WHRN: variants seen among roughly 807,000 people sequenced by gnomAD.
WHRN encodes the protein CASK-interacting protein CIP98.
Under a neutral mutation model 68.3 loss-of-function variants are expected in WHRN, and 41 were observed. The ratio of observed to expected loss-of-function variants is 0.60; its 90% confidence interval spans 0.47 to 0.78. The LOEUF (loss-of-function observed/expected upper bound fraction) is 0.78, where lower values mean the gene tolerates loss of function less well. Ranked by LOEUF, WHRN falls within the 30% of genes least tolerant of loss-of-function variation. The probability of loss-of-function intolerance (pLI) is 0.00; values close to 1 mark genes in which losing one functional copy is unlikely to be tolerated. For missense variants in WHRN, 1,243 were observed against 1,244.7 expected, an observed-to-expected ratio of 1.00 and a Z score of 0.02; for synonymous variants, 560 against 561.3, an observed-to-expected ratio of 1.00 and a Z score of 0.03.
At chr9:114,442,301 T>C (rs562884549) in intron 3 of WHRN, among the ~76,000 whole-genome samples, 5 of 152,288 alleles carry the variant, frequency 3.3e-5, no homozygotes, top group African/African-American at 1.2e-4. Context: ...GATAATAGCA[T>C]TGTACTGATG....
chr9:114,466,239 G>A (rs1331404910), intron 3 of WHRN, 28 bp downstream of exon 3: 2 of 1,613,292 alleles, frequency 1.2e-6, no homozygotes, highest in Admixed American at 1.7e-5. Context: ...CATGCACAGA[G>A]TTTTCCCTCC....
chr9:114,498,676 A>G lies in WHRN; in HGVS notation c.618+5508T>C, dbSNP rs1358026045. Among the ~76,000 whole-genome samples the G allele has an allele frequency of 2.6e-5, 4 of 152,114 alleles. No individual in the cohort carries two copies. The East Asian group carries it at 7.7e-4, about 29-fold the overall frequency. The stretch of plus-strand genomic sequence containing the variant: ...AAAAGGCCCTCAAATGTCAAGTACA[A>G]AATGTGACATCTGCCACACTTTCTA... On this transcript the variant is annotated intron_variant, in intron 1 of 11. Coordinates refer to ENST00000362057, the MANE Select transcript of WHRN (RefSeq NM_015404.4).
At chr9:114,491,719 G>T in intron 1 of WHRN, 1 of 263,254 alleles carries the variant, frequency 3.8e-6, no homozygotes. Flanking sequence ...AAAGGCAAAC[G>T]AGAAGCAGCA....
chr9:114,416,086 G>T (rs911795848), intron 7 of WHRN, among the ~76,000 whole-genome samples: 1 of 152,070 alleles, frequency 6.6e-6, no homozygotes, highest in Non-Finnish European at 1.5e-5. Context: ...CCTTCTTTTT[G>T]GGGGACAAGA....
At position 114,483,637 on chromosome 9, in the gene WHRN, G is replaced by C. The variant is rs183519885; in HGVS notation, c.619-4866C>G. 2.4e-3 allele frequency among the ~76,000 whole-genome samples: 365 copies of C among 152,298 alleles called. 2 individuals carry two copies. Among genetic ancestry groups the C allele is most frequent in the African/African-American group, 8.2e-3 (339 of 41,560 alleles). ...CTCACCAGAGCAGCCTACAGAGTGAGTAGCCTCAGGCAGCAGAGCTTGAGC... is the reference window on the plus strand; with the variant it reads ...CTCACCAGAGCAGCCTACAGAGTGACTAGCCTCAGGCAGCAGAGCTTGAGC... On this transcript the variant is annotated intron_variant, in intron 1 of 11. Coordinates refer to ENST00000362057, the MANE Select transcript of WHRN (RefSeq NM_015404.4).
intron 2 of WHRN, among the ~76,000 whole-genome samples, chr9:114,473,275 A>G (rs111480108): frequency 5.5e-4 from 84 of 152,368 alleles, no homozygotes; most frequent in African/African-American, 1.8e-3. Flanking sequence ...TGCCCGCATC[A>G]TTCCTCCGAG....
intron 2 of WHRN, among the ~76,000 whole-genome samples, chr9:114,473,086 T>C (rs1238294176): frequency 3.9e-5 from 6 of 152,334 alleles, no homozygotes; most frequent in South Asian, 2.1e-4. Context: ...TGGAGACACA[T>C]GAGCTTGGCG....
chr9:114,473,765 C>T (rs978329770), intron 2 of WHRN, among the ~76,000 whole-genome samples: 9 of 152,128 alleles, frequency 5.9e-5, no homozygotes, highest in African/African-American at 1.9e-4. Flanking sequence ...AGACGCAGGC[C>T]GCCTTCTGAA....
chr9:114,431,601 C>T (rs1837433209), intron 3 of WHRN, among the ~76,000 whole-genome samples: 1 of 152,120 alleles, frequency 6.6e-6, no homozygotes, highest in Non-Finnish European at 1.5e-5. Context: ...TCCCCTTTCC[C>T]GTCAGTTGGT....
At chr9:114,499,355 A>G (rs1467824919) in intron 1 of WHRN, among the ~76,000 whole-genome samples, 2 of 152,240 alleles carry the variant, frequency 1.3e-5, no homozygotes, top group Non-Finnish European at 2.9e-5. Context: ...TTCAGAGTTA[A>G]TATCAGATTC....
intron 5 of WHRN, 89 bp from the exon 6 acceptor site, chr9:114,424,635 T>C (rs1022579167): frequency 3.2e-5 from 45 of 1,390,318 alleles, no homozygotes; most frequent in Non-Finnish European, 4.2e-5. Flanking sequence ...TTCCATCCTG[T>C]CTAAGTGTGG....
Position 114,426,242 on chromosome 9 carries a change from G to A in WHRN, c.1135C>T (p.Arg379Trp), listed in dbSNP as rs56059137. ...GAGTTCGCCATGGTCTCCCTGATCC[G>A]GGAACTGGCGATCCACTTGGTCTCG... ...VDETKWIASS[R>W]IRETMANSAG... is the part of the protein sequence containing the mutation. Residue 379 changes from arginine (R) to tryptophan (W), a missense_variant, in exon 4 of 12, where the codon CGG becomes TGG. Physicochemically the swap from Arg to Trp is moderately radical, Grantham distance 101 (BLOSUM62 -3). Coordinates refer to ENST00000362057, the MANE Select transcript of WHRN (RefSeq NM_015404.4). The A allele has an allele frequency of 6.2e-4, 997 of 1,612,550 alleles. 3 individuals are homozygous for A. Among genetic ancestry groups the A allele is most frequent in the East Asian group, 4.6e-3 (205 of 44,872 alleles).
intron 7 of WHRN, among the ~76,000 whole-genome samples, chr9:114,419,605 C>T (rs1487053891): frequency 6.6e-6 from 1 of 152,198 alleles, no homozygotes; most frequent in Non-Finnish European, 1.5e-5. Context: ...GGGAAGTCTT[C>T]TTGGAAGAGG....
chr9:114,458,987 C>A (rs1395053550), intron 3 of WHRN, among the ~76,000 whole-genome samples: 1 of 152,196 alleles, frequency 6.6e-6, no homozygotes, highest in East Asian at 1.9e-4. Flanking sequence ...TCAGAGAGGG[C>A]ATCACTTGCC....
intron 7 of WHRN, 72 bp from the exon 8 acceptor site, chr9:114,408,090 A>T: frequency 7.6e-7 from 1 of 1,312,952 alleles, no homozygotes; most frequent in Non-Finnish European, 1.1e-6. Flanking sequence ...TCTCCAGCAC[A>T]CCAAAATTGA....
intron 3 of WHRN, among the ~76,000 whole-genome samples, chr9:114,444,557 C>T (rs567455335): frequency 9.9e-5 from 15 of 152,098 alleles, no homozygotes; most frequent in African/African-American, 2.2e-4. Flanking sequence ...ATCTCCCCTC[C>T]GAAACCCCCT....
chr9:114,404,138 T>C lies in WHRN; in HGVS notation c.2237-61A>G. ...ATAGCTGGGGTCAGGGAGGGCTGCCTGGAGGCAGTGACGGAGATGGAGGCT... is the reference window on the plus strand; with the variant it reads ...ATAGCTGGGGTCAGGGAGGGCTGCCCGGAGGCAGTGACGGAGATGGAGGCT... On this transcript the variant is annotated intron_variant, in intron 9 of 11. Transcript: ENST00000362057. 8 of 1,543,594 alleles carry C rather than the reference T, an allele frequency of 5.2e-6. No individual in the cohort carries two copies. In the South Asian group the frequency reaches 9.1e-5, roughly 18 times the overall value.
At chr9:114,470,634 A>G (rs952050695) in intron 2 of WHRN, among the ~76,000 whole-genome samples, 3 of 152,200 alleles carry the variant, frequency 2.0e-5, no homozygotes, top group Non-Finnish European at 4.4e-5. Flanking sequence ...GATCAGGGAC[A>G]GAACAGAGAG....
intron 2 of WHRN, 141 bp from the exon 3 acceptor site, chr9:114,466,533 T>C (rs976964743): frequency 8.1e-7 from 1 of 1,229,852 alleles, no homozygotes; most frequent in Non-Finnish European, 1.2e-6. Flanking sequence ...GCCTGGAAGA[T>C]ACCCTAGAAC....
Sources: allele counts gnomAD v4.1 joint callset (sites outside exome capture counted in the v4.1 genomes callset), GRCh38; gene constraint gnomAD v4.1.1; transcripts MANE v1.5; gene names NCBI Gene and HGNC (gene_info 2026-07-23, HGNC 2026-07-21).